The following EPHA6 variants were observed in gnomAD, a reference collection of about 807,000 sequenced individuals.
The protein encoded by EPHA6 is EPH receptor A6.
Under a neutral mutation model 112.0 loss-of-function variants are expected in EPHA6, and 50 were observed. The ratio of observed to expected loss-of-function variants is 0.45; its 90% CI spans 0.36 to 0.56. The LOEUF (loss-of-function observed/expected upper bound fraction) is 0.56, where lower values mean the gene tolerates loss of function less well. EPHA6 is among the 20% of genes least tolerant of loss of function. The pLI is 0.00. For missense variants in EPHA6, 1,280 were observed against 1,417.4 expected (o/e 0.90, Z 1.56); for synonymous variants, 529 against 490.7 (o/e 1.08, Z -1.03).
intron 3 of EPHA6, among the ~76,000 whole-genome samples, chr3:96,993,309 T>C (rs972679140): frequency 6.6e-6 from 1 of 151,854 alleles, no homozygotes; most frequent in South Asian, 2.1e-4. Context: ...TTTTTTTTTT[T>C]TTTAATGAGA....
At chr3:97,324,590 G>A (rs527473980) in intron 5 of EPHA6, among the ~76,000 whole-genome samples, 3 of 149,236 alleles carry the variant, frequency 2.0e-5, no homozygotes, top group Non-Finnish European at 4.4e-5. Context: ...TCAGGCTGGA[G>A]TGCAATAGTA....
intron 5 of EPHA6, among the ~76,000 whole-genome samples, chr3:97,326,443 G>A (rs2082427050): frequency 6.6e-6 from 1 of 151,602 alleles, no homozygotes; most frequent in African/African-American, 2.4e-5. Flanking sequence ...TAGCTTAGTA[G>A]TGATTAAGCA....
intron 14 of EPHA6, among the ~76,000 whole-genome samples, chr3:97,702,439 T>C (rs1225654053): frequency 6.6e-6 from 1 of 152,206 alleles, no homozygotes; most frequent in Non-Finnish European, 1.5e-5. Flanking sequence ...TCAAAATAGA[T>C]GAGCACTTAG....
intron 1 of EPHA6, among the ~76,000 whole-genome samples, chr3:96,830,891 G>A (rs563541253): frequency 1.3e-5 from 2 of 151,924 alleles, no homozygotes; most frequent in Non-Finnish European, 2.9e-5. Context: ...TAAAGTAGAT[G>A]TTAAGTGTTC....
At chr3:97,376,591 C>T (rs2085374500) in intron 5 of EPHA6, among the ~76,000 whole-genome samples, 1 of 152,162 alleles carries the variant, frequency 6.6e-6, no homozygotes, top group Admixed American at 6.5e-5. Flanking sequence ...GAGCTTTTGG[C>T]TTTTCCCATA....
At chr3:97,720,212 T>G in intron 14 of EPHA6, 49 bp from the exon 15 acceptor site, 1 of 1,455,950 alleles carries the variant, frequency 6.9e-7, no homozygotes. Context: ...ACCATTTTGT[T>G]TTTAATACAA....
At chr3:97,029,859 T>A (rs908095729) in intron 3 of EPHA6, among the ~76,000 whole-genome samples, 2 of 152,176 alleles carry the variant, frequency 1.3e-5, no homozygotes, top group South Asian at 2.1e-4. Flanking sequence ...ACCCAAAAAA[T>A]TAACAATACT....
intron 5 of EPHA6, among the ~76,000 whole-genome samples, chr3:97,358,441 T>C (rs1452695999): frequency 6.6e-6 from 1 of 152,172 alleles, no homozygotes; most frequent in Non-Finnish European, 1.5e-5. Flanking sequence ...AAAGTGATAA[T>C]TGTAATGCAT....
At chr3:97,461,322 A>C (rs1182058258) in intron 7 of EPHA6, among the ~76,000 whole-genome samples, 1 of 152,210 alleles carries the variant, frequency 6.6e-6, no homozygotes, top group Non-Finnish European at 1.5e-5. Context: ...ACTTGGATTT[A>C]AATTTTGACT....
intron 1 of EPHA6, among the ~76,000 whole-genome samples, chr3:96,866,475 C>G (rs1429119120): frequency 6.6e-6 from 1 of 151,584 alleles, no homozygotes; most frequent in East Asian, 1.9e-4. Context: ...TGAATGTGGT[C>G]TAAAAATACT....
At chr3:97,371,530 T>C (rs2085053967) in intron 5 of EPHA6, among the ~76,000 whole-genome samples, 2 of 152,182 alleles carry the variant, frequency 1.3e-5, no homozygotes, top group Non-Finnish European at 2.9e-5. Context: ...TCCCATCATC[T>C]TCATAAGCTC....
At chr3:97,473,538 T>C (rs2091286511) in intron 7 of EPHA6, among the ~76,000 whole-genome samples, 1 of 151,884 alleles carries the variant, frequency 6.6e-6, no homozygotes, top group Non-Finnish European at 1.5e-5. Context: ...CTAACTACTA[T>C]GAAACTATAT....
At chr3:97,667,879 G>A (rs1455135699) in intron 14 of EPHA6, among the ~76,000 whole-genome samples, 1 of 152,138 alleles carries the variant, frequency 6.6e-6, no homozygotes, top group African/African-American at 2.4e-5. Context: ...TTCTGTTCAA[G>A]TCTGTGTTGA....
At chr3:97,300,231 C>T (rs1022519582) in intron 5 of EPHA6, among the ~76,000 whole-genome samples, 5 of 152,110 alleles carry the variant, frequency 3.3e-5, no homozygotes, top group African/African-American at 1.2e-4. Context: ...CTCAGATCTT[C>T]AGTTGTCTTA....
At chr3:97,364,212 T>C (rs529817535) in intron 5 of EPHA6, among the ~76,000 whole-genome samples, 1 of 152,078 alleles carries the variant, frequency 6.6e-6, no homozygotes, top group African/African-American at 2.4e-5. Flanking sequence ...AGTGGGAAAT[T>C]TTTGAGAAAA....
In EPHA6 at chr3:97,461,829, A is replaced by G. The variant is rs138182186; in HGVS notation, c.1894+13099A>G. ...GCTTAAGCACTGGACAATTTGACTCAGCTGAAGAAACTCCACGTTTTGACT... is the reference window on the plus strand; with the variant it reads ...GCTTAAGCACTGGACAATTTGACTCGGCTGAAGAAACTCCACGTTTTGACT... On this transcript the variant is annotated intron_variant, in intron 7 of 17. Coordinates refer to ENST00000389672, the MANE Select transcript of EPHA6 (RefSeq NM_001080448.3). Among the ~76,000 whole-genome samples, 729 of 152,226 alleles carry G rather than the reference A, an allele frequency of 4.8e-3. 7 individuals carry two copies. Among genetic ancestry groups the G allele is most frequent in the African/African-American group, 0.017 (702 of 41,474 alleles).
Position 97,045,712 on chromosome 3 carries a change from G to C in EPHA6, c.1114+57719G>C, listed in dbSNP as rs149128981. Among the ~76,000 whole-genome samples the C allele has an allele frequency of 2.2e-3, 341 of 152,100 alleles. 1 individual carries two copies. The highest frequency in any genetic ancestry group is 7.7e-3 in the African/African-American group (320 of 41,530). On this transcript the variant is annotated intron_variant, in intron 3 of 17. Coordinates refer to ENST00000389672, the MANE Select transcript of EPHA6 (RefSeq NM_001080448.3). ...CAATTCCTCATAGTCCCGTTACACA[G>C]AGACAACATACTTTGTACGTTTTTT... is the stretch of plus-strand genomic sequence containing the variant.
intron 11 of EPHA6, among the ~76,000 whole-genome samples, chr3:97,536,377 C>G (rs1463510126): frequency 6.6e-6 from 1 of 152,148 alleles, no homozygotes; most frequent in East Asian, 1.9e-4. Flanking sequence ...AAGTGCCTAC[C>G]TCCCAGCTTA....
At chr3:97,689,326 C>T (rs2032486770) in intron 14 of EPHA6, among the ~76,000 whole-genome samples, 1 of 152,156 alleles carries the variant, frequency 6.6e-6, no homozygotes, top group Non-Finnish European at 1.5e-5. Flanking sequence ...TTTGTCCTTC[C>T]AGTGTAATAG....
Sources: gnomAD v4.1 joint callset for allele counts (sites outside exome capture counted in the v4.1 genomes callset) on GRCh38, gnomAD v4.1.1 for gene constraint, MANE v1.5 for transcripts, NCBI Gene and HGNC (gene_info 2026-07-23, HGNC 2026-07-21) for gene names.